RPS6KA4: variants seen among roughly 807,000 people sequenced by gnomAD.
RPS6KA4 encodes the protein ribosomal protein S6 kinase A4.
In RPS6KA4, 38 loss-of-function variants were observed where a neutral mutation model predicts 89.6. The observed-to-expected ratio is 0.42, with a 90% confidence interval of 0.33 to 0.56. The LOEUF is 0.56. RPS6KA4 is among the 20% of genes least tolerant of loss of function. RPS6KA4 has a pLI of 0.07. For missense variants in RPS6KA4, 873 were observed against 1,098.8 expected (o/e 0.79, Z 2.90); for synonymous variants, 495 against 492.8 (o/e 1.00, Z -0.06).
At chr11:64,368,299 T>A in intron 10 of RPS6KA4, 39 bp downstream of exon 10, 1 of 1,606,852 alleles carries the variant, frequency 6.2e-7, no homozygotes, top group Non-Finnish European at 8.5e-7. Context: ...AAATTGGTTT[T>A]AGGAGAGGCC....
chr11:64,361,886 C>T lies in RPS6KA4; in HGVS notation c.790C>T (p.Arg264Trp), dbSNP rs1348353894. 7.4e-6 allele frequency: 12 copies of T among 1,612,832 alleles called. No homozygotes were observed. The highest frequency in any genetic ancestry group is 1.0e-5 in the Non-Finnish European group (12 of 1,179,844). Reference protein sequence around the residue: ...ILKCSPPFPPRIGPVAQDLLQ... With the variant: ...ILKCSPPFPPWIGPVAQDLLQ... Reference sequence around the variant, plus strand: ...GAAGTGCTCCCCTCCCTTCCCCCCTCGGATCGGGCCCGTGGCGCAGGACCT... The same window carrying T: ...GAAGTGCTCCCCTCCCTTCCCCCCTTGGATCGGGCCCGTGGCGCAGGACCT... The change falls in exon 8 of 17, where the codon CGG becomes TGG. Residue 264 changes from arginine (R) to tryptophan (W), a missense_variant. Around this residue, in one of 4 missense-constraint regions of RPS6KA4, gnomAD observed 542 missense variants for 736.4 expected, o/e 0.74. Transcript: ENST00000334205. This position sits in a 1 kb window ranked among gnomAD's most constrained non-coding sequence, Gnocchi z 4.7.
chr11:64,371,427 G>T lies in RPS6KA4; in HGVS notation c.2266G>T (p.Val756Phe). 1.9e-6 allele frequency: 3 copies of T among 1,602,408 alleles called. No homozygotes were observed. The highest frequency in any genetic ancestry group is 8.5e-7 in the Non-Finnish European group (1 of 1,174,708). ...PAPANPGRAPVASKGAPRRAN... is the reference protein window; with the variant it reads ...PAPANPGRAPFASKGAPRRAN... ...ACCAGCCAACCCGGGCCGAGCCCCCGTCGCCTCCAAAGGGGCCCCCCGCCG... is the reference window on the plus strand; with the variant it reads ...ACCAGCCAACCCGGGCCGAGCCCCCTTCGCCTCCAAAGGGGCCCCCCGCCG... The change falls in exon 17 of 17, where the codon GTC becomes TTC. Residue 756 changes from valine (V) to phenylalanine (F), a missense_variant. Physicochemically the swap from Val to Phe is conservative, Grantham distance 50. Transcript: ENST00000334205.
intron 2 of RPS6KA4, chr11:64,359,930 T>A (rs1335653567): frequency 6.9e-6 from 4 of 578,758 alleles, no homozygotes; most frequent in Admixed American, 3.3e-5. Flanking sequence ...CCCCTGGAGA[T>A]GCATGCTCCC....
chr11:64,370,656 C>A lies in RPS6KA4; in HGVS notation c.2051C>A (p.Pro684Gln). The change falls in exon 16 of 17, where the codon CCG (proline) becomes CAG (glutamine). Residue 684 changes from proline (P) to glutamine (Q), a missense_variant. Pro to Gln is a moderately conservative substitution (Grantham distance 76). This residue lies in a region of RPS6KA4 where 278 missense variants were observed against 284.8 expected (regional missense o/e 0.98). Transcript: ENST00000334205. The surrounding 1 kb of genome is among the most constrained non-coding windows in gnomAD (Gnocchi z 4.1). ...GACGGCAGCGCGCGCTCCTCGCCCC[C>A]GCTCCGGACGCCCGACGTGCTCGAG... ...LQDGSARSSP[P>Q]LRTPDVLESS... 1 of 1,570,958 alleles carries A rather than the reference C, an allele frequency of 6.4e-7. No homozygotes were observed. Among genetic ancestry groups the A allele is most frequent in the Non-Finnish European group, 8.6e-7 (1 of 1,165,082 alleles).
At chr11:64,368,354 G>A (rs1005554008) in intron 10 of RPS6KA4, 94 bp downstream of exon 10, 1 of 1,548,118 alleles carries the variant, frequency 6.5e-7, no homozygotes, top group Non-Finnish European at 8.7e-7. Flanking sequence ...CGCCCGCAGC[G>A]TGAGCTCAGC....
chr11:64,359,428 C>T lies in RPS6KA4; in HGVS notation c.106C>T (p.Leu36Phe). The T allele has an allele frequency of 6.2e-7, 1 of 1,613,678 alleles. No homozygotes were observed. The highest frequency in any genetic ancestry group is 8.5e-7 in the Non-Finnish European group (1 of 1,179,806). Residue 36 changes from leucine to phenylalanine, a missense_variant, in exon 2 of 17, where the codon CTC becomes TTC. Around this residue, in one of 4 missense-constraint regions of RPS6KA4, gnomAD observed 49 missense variants for 51.9 expected, o/e 0.94. Transcript: ENST00000334205. ...GGTGAGCGTGGAGAACTTCGAGCTGCTCAAGGTGCTGGGCACGGGAGGTGA... is the reference window on the plus strand; with the variant it reads ...GGTGAGCGTGGAGAACTTCGAGCTGTTCAAGGTGCTGGGCACGGGAGGTGA... ...EKVSVENFEL[L>F]KVLGTGAYGK... is the part of the protein sequence containing the mutation.
intron 8 of RPS6KA4, among the ~76,000 whole-genome samples, chr11:64,363,234 C>T (rs1380288770): frequency 6.6e-6 from 1 of 152,230 alleles, no homozygotes; most frequent in African/African-American, 2.4e-5. Flanking sequence ...CTCTTTGAAT[C>T]TTCCAAGCCC....
In RPS6KA4 at chr11:64,370,538, C is replaced by A; in HGVS notation, c.1958-25C>A. 6.3e-7 allele frequency: 1 copy of A among 1,590,256 alleles called. No individual in the cohort carries two copies. The highest frequency in any genetic ancestry group is 8.5e-7 in the Non-Finnish European group (1 of 1,172,660). ...CTCAGCCTTTACGCCAGGCTCCTCC[C>A]CACACTTCCTTGCCCCGCCTCCAGG... On this transcript the variant is annotated intron_variant, in intron 15 of 16. Transcript: ENST00000334205. This position sits in a 1 kb window ranked among gnomAD's most constrained non-coding sequence, Gnocchi z 4.1.
intron 9 of RPS6KA4, among the ~76,000 whole-genome samples, chr11:64,367,637 A>C (rs2036918984): frequency 6.6e-6 from 1 of 152,166 alleles, no homozygotes; most frequent in Non-Finnish European, 1.5e-5. Flanking sequence ...ATGACCCTTA[A>C]AAGCTCCTCA....
intron 2 of RPS6KA4, chr11:64,359,762 C>T (rs1393210722): frequency 3.7e-6 from 2 of 535,114 alleles, no homozygotes; most frequent in Non-Finnish European, 6.7e-6. Flanking sequence ...ATATGGGATC[C>T]CCCTCCCACA....
At position 64,365,346 on chromosome 11, in the gene RPS6KA4, T is replaced by A. The variant is rs1378452659; in HGVS notation, c.952T>A (p.Phe318Ile). 6.2e-7 allele frequency: 1 copy of A among 1,614,038 alleles called. No homozygotes were observed. Among genetic ancestry groups the A allele is most frequent in the East Asian group, 2.2e-5 (1 of 44,876 alleles). ...ALAARKIPAP[F>I]RPQIRSELDV... is the part of the protein sequence containing the mutation. ...GGCTGCCAGGAAGATTCCAGCCCCA[T>A]TCCGGCCCCAAATCCGCTCAGAGCT... is the stretch of plus-strand genomic sequence containing the variant. The change falls in exon 9 of 17, where the codon TTC becomes ATC. Residue 318 changes from phenylalanine (F) to isoleucine (I), a missense_variant. Physicochemically the swap from Phe to Ile is conservative, Grantham distance 21 (BLOSUM62 0). This residue lies in a region of RPS6KA4 where 542 missense variants were observed against 736.4 expected (regional missense o/e 0.74). Transcript: ENST00000334205.
intron 12 of RPS6KA4, among the ~76,000 whole-genome samples, chr11:64,369,240 G>C (rs1276548516): frequency 6.6e-6 from 1 of 152,194 alleles, no homozygotes; most frequent in Non-Finnish European, 1.5e-5. Context: ...GCAGTGAGCC[G>C]AGGTGGTGCC....
chr11:64,359,587 C>T (rs919751543), intron 2 of RPS6KA4, 138 bp downstream of exon 2: 136 of 866,920 alleles, frequency 1.6e-4, no homozygotes, highest in Non-Finnish European at 2.2e-4. Context: ...CCTGCCCCGC[C>T]CTGCCTCGCC....
chr11:64,367,414 G>A (rs1372985833), intron 9 of RPS6KA4, among the ~76,000 whole-genome samples: 1 of 152,188 alleles, frequency 6.6e-6, no homozygotes, highest in Non-Finnish European at 1.5e-5. Context: ...GGGTTCAAGC[G>A]ATTCTCGTGC....
chr11:64,365,294 C>T lies in RPS6KA4; in HGVS notation c.907-7C>T. ...TTGACACCTGACCTCTGATTCCCTT[C>T]CCTCAGGGCCTCGATTGGGTGGCTC... On this transcript the variant is annotated splice_polypyrimidine_tract_variant and splice_region_variant and intron_variant, in intron 8 of 16. Coordinates refer to ENST00000334205, the MANE Select transcript of RPS6KA4 (RefSeq NM_003942.3). 2.5e-6 allele frequency: 4 copies of T among 1,610,842 alleles called. No homozygotes were observed. In the South Asian group the frequency reaches 4.4e-5, roughly 18 times the overall value.
Position 64,371,819 on chromosome 11 carries a change from T to G in RPS6KA4, c.*339T>G. The stretch of plus-strand genomic sequence containing the variant: ...CTTCTAAGCACTGAGTTAGGAGTGC[T>G]AACTCCTAAACTGGGACCCCCTACC... On this transcript the variant is annotated 3_prime_UTR_variant, in exon 17 of 17. Coordinates refer to ENST00000334205, the MANE Select transcript of RPS6KA4 (RefSeq NM_003942.3). 4.7e-6 allele frequency: 1 copy of G among 213,608 alleles called. No homozygotes were observed. Among genetic ancestry groups the G allele is most frequent in the Non-Finnish European group, 9.2e-6 (1 of 108,110 alleles). 13.2% of individuals were successfully genotyped at this position (213,608 alleles called of 1,614,324 possible).
chr11:64,360,730 T>C lies in RPS6KA4; in HGVS notation c.462+138T>C, dbSNP rs2036722916. On this transcript the variant is annotated intron_variant, in intron 4 of 16. Transcript: ENST00000334205. ...TGGTGAGCTGGGTGGGAATTGGAGCTGCTTCCCCTGGACCCCTTGCAGGAA... is the reference window on the plus strand; with the variant it reads ...TGGTGAGCTGGGTGGGAATTGGAGCCGCTTCCCCTGGACCCCTTGCAGGAA... The C allele has an allele frequency of 5.4e-6, 4 of 745,332 alleles. No homozygotes were observed. The Admixed American group carries it at 1.1e-4, about 20-fold the overall frequency. 46.2% of individuals were successfully genotyped at this position (745,332 alleles called of 1,614,324 possible). A position where few individuals can be genotyped will look rare whatever the true frequency, so the allele number is the denominator to read the frequency against.
At position 64,359,514 on chromosome 11, in the gene RPS6KA4, C is replaced by T. The variant is rs2036683478; in HGVS notation, c.127+65C>T. The T allele has an allele frequency of 2.6e-6, 4 of 1,554,912 alleles. No individual in the cohort carries two copies. In the East Asian group the frequency reaches 9.1e-5, roughly 35 times the overall value. ...GTGCCCCTGACCTCCTGCCTGCTCA[C>T]TCTTGGGCCTGGGCCAGGCCACTGA... On this transcript the variant is annotated intron_variant, in intron 2 of 16. Transcript: ENST00000334205.
chr11:64,359,486 G>A, intron 2 of RPS6KA4, 37 bp downstream of exon 2: 1 of 1,606,928 alleles, frequency 6.2e-7, no homozygotes, highest in Non-Finnish European at 8.5e-7. Context: ...CGTCCCAGGC[G>A]CGGTGCCCCT....
Sources: gnomAD v4.1 joint callset for allele counts (sites outside exome capture counted in the v4.1 genomes callset) on GRCh38, gnomAD v4.1.1 for gene constraint, gnomAD v4.1.1 regional missense constraint, Gnocchi (gnomAD v3.1) non-coding constraint, MANE v1.5 for transcripts, NCBI Gene and HGNC (gene_info 2026-07-23, HGNC 2026-07-21) for gene names.